Variants in DCLK1 observed in about 807,000 individuals in gnomAD.
The protein encoded by DCLK1 is doublecortin like kinase 1.
Under a neutral mutation model 86.2 loss-of-function variants are expected in DCLK1, and 16 were observed. That is an observed-to-expected ratio of 0.19 (90% confidence interval 0.13 to 0.28). The LOEUF (loss-of-function observed/expected upper bound fraction) is 0.28. Among genes scored for constraint, DCLK1 ranks in the 10% least tolerant of loss-of-function variants. The pLI is 1.00. For missense variants in DCLK1, 590 were observed against 940.2 expected (o/e 0.63, Z 4.87); for synonymous variants, 369 against 370.5 (o/e 1.00, Z 0.05).
At chr13:35,872,191 A>G (rs1316628468) in intron 4 of DCLK1, among the ~76,000 whole-genome samples, 2 of 152,224 alleles carry the variant, frequency 1.3e-5, no homozygotes, top group East Asian at 3.8e-4. Context: ...TGTAAGGATA[A>G]TCAATGTTCA....
intron 3 of DCLK1, among the ~76,000 whole-genome samples, chr13:36,101,196 T>G (rs1566012094): frequency 6.6e-6 from 1 of 152,228 alleles, no homozygotes; most frequent in Non-Finnish European, 1.5e-5. Flanking sequence ...AGCATGCACA[T>G]GCACTTTGTG....
chr13:35,984,043 A>T (rs1336520952), intron 3 of DCLK1, among the ~76,000 whole-genome samples: 1 of 152,218 alleles, frequency 6.6e-6, no homozygotes, highest in African/African-American at 2.4e-5. Context: ...CACCACTTAC[A>T]GTGGTGCAGG....
chr13:36,067,206 C>A (rs1360581461), intron 3 of DCLK1, among the ~76,000 whole-genome samples: 1 of 128,246 alleles, frequency 7.8e-6, no homozygotes, highest in East Asian at 2.4e-4. Flanking sequence ...GGCACATATA[C>A]ACCATGGAAT....
At position 35,808,335 on chromosome 13, in the gene DCLK1, GACA is replaced by G; in HGVS notation, c.1767-18_1767-16del. The G allele has an allele frequency of 6.2e-7, 1 of 1,608,980 alleles. No individual in the cohort carries two copies. The highest frequency in any genetic ancestry group is 2.2e-5 in the East Asian group (1 of 44,840). On this transcript the variant is annotated splice_polypyrimidine_tract_variant and intron_variant, in intron 13 of 16. Transcript: ENST00000360631. ...CATCACCACTTCTGTTTAGGTGAAC[GACA>G]ACAAGGAAAAACAGCACTAAGATAT...
chr13:36,016,140 A>G (rs929089998), intron 3 of DCLK1, among the ~76,000 whole-genome samples: 1 of 152,170 alleles, frequency 6.6e-6, no homozygotes, highest in African/African-American at 2.4e-5. Flanking sequence ...TCGTGTTCAA[A>G]TGGCTAGAAT....
chr13:36,111,119 C>A (rs1337453961), intron 3 of DCLK1, among the ~76,000 whole-genome samples: 1 of 152,064 alleles, frequency 6.6e-6, no homozygotes, highest in African/African-American at 2.4e-5. Flanking sequence ...CAGGCGTGAG[C>A]CACCGTGCCC....
At chr13:35,934,861 T>C (rs1876669849) in intron 4 of DCLK1, among the ~76,000 whole-genome samples, 1 of 152,120 alleles carries the variant, frequency 6.6e-6, no homozygotes, top group South Asian at 2.1e-4. Context: ...GGTTTCCTGA[T>C]AATTAAACGT....
rs564047726 is a variant in DCLK1, at chr13:35,829,916, C to A, written c.1230-1609G>T. On this transcript the variant is annotated intron_variant, in intron 8 of 16. Transcript: ENST00000360631. ...CCTGCCACTGTCTCTGTTGATCTTT[C>A]AACAAAGACTCTGCCATGGCTGGGC... Among the ~76,000 whole-genome samples the A allele has an allele frequency of 2.6e-5, 4 of 152,272 alleles. No individual in the cohort carries two copies. In the East Asian group the frequency reaches 7.7e-4, roughly 29 times the overall value.
intron 3 of DCLK1, among the ~76,000 whole-genome samples, chr13:35,972,696 G>C (rs1410368077): frequency 6.6e-6 from 1 of 152,098 alleles, no homozygotes; most frequent in Non-Finnish European, 1.5e-5. Context: ...ATACTGCAGT[G>C]AGGTGGACTC....
At chr13:35,859,946 T>C (rs1256985983) in intron 5 of DCLK1, among the ~76,000 whole-genome samples, 1 of 152,184 alleles carries the variant, frequency 6.6e-6, no homozygotes, top group Non-Finnish European at 1.5e-5. Context: ...AAGCTGAATG[T>C]TAGTAAGTGT....
At chr13:35,779,620 G>T (rs993917082) in intron 16 of DCLK1, among the ~76,000 whole-genome samples, 5 of 152,072 alleles carry the variant, frequency 3.3e-5, no homozygotes, top group African/African-American at 4.8e-5. Flanking sequence ...ACACAAAAAA[G>T]AAGTAAAAAG....
At chr13:36,029,643 CA>C (rs1882189038) in intron 3 of DCLK1, among the ~76,000 whole-genome samples, 1 of 152,124 alleles carries the variant, frequency 6.6e-6, no homozygotes, top group Non-Finnish European at 1.5e-5. Flanking sequence ...ACAATCATAG[CA>C]AAGGAAAGGC....
chr13:36,077,001 G>A (rs191013327), intron 3 of DCLK1, among the ~76,000 whole-genome samples: 25 of 152,288 alleles, frequency 1.6e-4, no homozygotes, highest in African/African-American at 6.0e-4. Flanking sequence ...GAAAGCTGGA[G>A]AGGAGGAGGG....
At chr13:35,930,899 T>G (rs1876395870) in intron 4 of DCLK1, among the ~76,000 whole-genome samples, 1 of 152,210 alleles carries the variant, frequency 6.6e-6, no homozygotes, top group Non-Finnish European at 1.5e-5. Flanking sequence ...AAAAGCCTCT[T>G]CTCATGTCAC....
At chr13:35,879,080 G>A (rs140851794) in intron 4 of DCLK1, among the ~76,000 whole-genome samples, 60 of 152,090 alleles carry the variant, frequency 3.9e-4, no homozygotes, top group African/African-American at 1.1e-3. Context: ...CCACCACACC[G>A]GGCCAAAAAT....
chr13:36,114,565 G>A (rs1009579371), intron 2 of DCLK1, among the ~76,000 whole-genome samples: 1 of 152,196 alleles, frequency 6.6e-6, no homozygotes, highest in Non-Finnish European at 1.5e-5. Context: ...ATTTCCTTAT[G>A]CTAATAAATT....
At chr13:35,983,750 A>G (rs977129293) in intron 3 of DCLK1, among the ~76,000 whole-genome samples, 1 of 152,210 alleles carries the variant, frequency 6.6e-6, no homozygotes, top group Non-Finnish European at 1.5e-5. Flanking sequence ...TGTGTACCCA[A>G]AGAAATTTTT....
intron 15 of DCLK1, among the ~76,000 whole-genome samples, chr13:35,796,041 GAC>G (rs1252187403): frequency 6.6e-6 from 1 of 151,744 alleles, no homozygotes; most frequent in Non-Finnish European, 1.5e-5. Context: ...TAGAATTTTT[GAC>G]AGTTTTTCCA....
intron 3 of DCLK1, among the ~76,000 whole-genome samples, chr13:35,978,578 T>A (rs1879474511): frequency 6.6e-6 from 1 of 152,116 alleles, no homozygotes; most frequent in Admixed American, 6.6e-5. Context: ...TCTCACTCAA[T>A]ACTAGATTAC....
Sources: allele counts gnomAD v4.1 joint callset (sites outside exome capture counted in the v4.1 genomes callset), GRCh38; gene constraint gnomAD v4.1.1; transcripts MANE v1.5; gene names NCBI Gene and HGNC (gene_info 2026-07-23, HGNC 2026-07-21).